DOCK3: variants seen among roughly 807,000 people sequenced by gnomAD.
The protein encoded by DOCK3 is dedicator of cytokinesis protein 3.
DOCK3 carries 60 observed loss-of-function variants against 265.6 expected under a neutral mutation model. The observed-to-expected ratio is 0.23, with a 90% confidence interval of 0.18 to 0.28. The LOEUF (loss-of-function observed/expected upper bound fraction) is 0.28, where lower values mean the gene tolerates loss of function less well. Ranked by LOEUF, DOCK3 falls within the 10% of genes least tolerant of loss-of-function variation. DOCK3 has a pLI of 1.00. For missense variants in DOCK3, 1,981 were observed against 2,594.3 expected, an observed-to-expected ratio of 0.76 and a Z score of 5.14; for synonymous variants, 881 against 938.0, an observed-to-expected ratio of 0.94 and a Z score of 1.11.
intron 4 of DOCK3, among the ~76,000 whole-genome samples, chr3:50,933,119 C>T (rs1191798162): frequency 6.6e-6 from 1 of 152,186 alleles, no homozygotes; most frequent in Non-Finnish European, 1.5e-5. Flanking sequence ...GAAAGACCCA[C>T]CCCGATGATT....
chr3:51,271,927 C>T (rs1004220046), intron 24 of DOCK3, among the ~76,000 whole-genome samples: 11 of 150,966 alleles, frequency 7.3e-5, no homozygotes, highest in Non-Finnish European at 1.5e-4. Context: ...CCATACCATT[C>T]GATACCTTTC....
chr3:50,868,770 C>T (rs2047268037), intron 3 of DOCK3, among the ~76,000 whole-genome samples: 1 of 151,912 alleles, frequency 6.6e-6, no homozygotes, highest in Non-Finnish European at 1.5e-5. Context: ...AGGAATTTGT[C>T]CATTTCTTCT....
chr3:51,263,539 CATA>C (rs1369346985), intron 23 of DOCK3, among the ~76,000 whole-genome samples: 1 of 152,152 alleles, frequency 6.6e-6, no homozygotes, highest in East Asian at 1.9e-4. Context: ...CAGCTAGCAT[CATA>C]ATGACAGGAT....
intron 5 of DOCK3, among the ~76,000 whole-genome samples, chr3:51,032,144 G>GTGTGTGTGTA (rs2080077587): frequency 2.0e-5 from 3 of 151,792 alleles, no homozygotes; most frequent in Admixed American, 6.6e-5. Context: ...GTGTGTGTGT[G>GTGTGTGTGTA]TATAAGTGTG....
chr3:50,731,932 G>A (rs1466889208), intron 1 of DOCK3, among the ~76,000 whole-genome samples: 6 of 152,068 alleles, frequency 3.9e-5, no homozygotes, highest in Non-Finnish European at 8.8e-5. Flanking sequence ...ACTCAGATTT[G>A]CAGGCGATCA....
At chr3:51,275,622 C>T (rs1201387309) in intron 25 of DOCK3, among the ~76,000 whole-genome samples, 1 of 152,084 alleles carries the variant, frequency 6.6e-6, no homozygotes, top group Non-Finnish European at 1.5e-5. Flanking sequence ...AGCTTGATTC[C>T]ACCCATATGG....
intron 12 of DOCK3, among the ~76,000 whole-genome samples, chr3:51,198,579 CAAA>C (rs33915233): frequency 2.3e-5 from 3 of 131,146 alleles, no homozygotes; most frequent in East Asian, 2.2e-4. Context: ...GACAGGTCAC[CAAA>C]AAAAAAAAAA....
chr3:50,765,893 CA>C (rs2040842763), intron 1 of DOCK3, among the ~76,000 whole-genome samples: 1 of 152,080 alleles, frequency 6.6e-6, no homozygotes, highest in South Asian at 2.1e-4. Flanking sequence ...TTTGTTTGAC[CA>C]AACCTCTAAC....
intron 5 of DOCK3, among the ~76,000 whole-genome samples, chr3:50,938,403 A>G (rs1292140136): frequency 2.0e-5 from 3 of 152,156 alleles, no homozygotes; most frequent in Non-Finnish European, 2.9e-5. Context: ...GAAGAACTGA[A>G]CAGTGCAATC....
intron 2 of DOCK3, among the ~76,000 whole-genome samples, chr3:50,786,021 TC>T (rs1181627344): frequency 1.3e-5 from 2 of 152,106 alleles, no homozygotes; most frequent in African/African-American, 2.4e-5. Context: ...TTCTGTATCT[TC>T]CTGGTTTAAT....
intron 1 of DOCK3, among the ~76,000 whole-genome samples, chr3:50,680,661 A>G (rs1301417911): frequency 6.6e-6 from 1 of 151,166 alleles, no homozygotes; most frequent in Non-Finnish European, 1.5e-5. Flanking sequence ...CCATGCCACC[A>G]TGCCCAGCGA....
intron 12 of DOCK3, among the ~76,000 whole-genome samples, chr3:51,201,484 T>G (rs2088769776): frequency 6.6e-6 from 1 of 152,176 alleles, no homozygotes; most frequent in South Asian, 2.1e-4. Context: ...ATCCTAAATA[T>G]ATATGCACCC....
At position 50,695,076 on chromosome 3, in the gene DOCK3, C is replaced by A. The variant is rs559809980; in HGVS notation, c.37+19776C>A. 1.9e-4 allele frequency among the ~76,000 whole-genome samples: 29 copies of A among 152,280 alleles called. No individual in the cohort carries two copies. The East Asian group carries it at 5.4e-3, about 28-fold the overall frequency. ...CGTCTTTAGATAAAAATAATGCAAT[C>A]TTTTTAGAAGCTTCTACATATCAGT... On this transcript the variant is annotated intron_variant, in intron 1 of 52. Coordinates refer to ENST00000266037, the MANE Select transcript of DOCK3 (RefSeq NM_004947.5).
At chr3:51,357,382 T>C (rs1013843323) in intron 44 of DOCK3, among the ~76,000 whole-genome samples, 1 of 152,122 alleles carries the variant, frequency 6.6e-6, no homozygotes, top group Non-Finnish European at 1.5e-5. Flanking sequence ...TAATCCTGAT[T>C]ATGGGAGGAT....
intron 12 of DOCK3, among the ~76,000 whole-genome samples, chr3:51,162,758 C>A (rs1292940136): frequency 6.6e-6 from 1 of 152,130 alleles, no homozygotes; most frequent in Non-Finnish European, 1.5e-5. Flanking sequence ...GCTTCTAAAG[C>A]AACAGCTTTC....
Position 51,146,560 on chromosome 3 carries a change from T to C in DOCK3, c.758T>C (p.Leu253Pro). Residue 253 changes from leucine to proline, a missense_variant, in exon 10 of 53, where the codon CTG becomes CCG. Around this residue, in one of 4 missense-constraint regions of DOCK3, gnomAD observed 456 missense variants for 539.0 expected, o/e 0.85. Transcript: ENST00000266037. ...REGKQISERF[L>P]VRLNKNGGPR... ...TTCCTACATTTCAGTGAGCGGTTTC[T>C]GGTAAGACTGAACAAGAATGGTGGG... The C allele has an allele frequency of 2.5e-6, 4 of 1,595,400 alleles. No individual in the cohort carries two copies. The highest frequency in any genetic ancestry group is 3.4e-6 in the Non-Finnish European group (4 of 1,170,322).
At chr3:50,964,594 T>C (rs978215315) in intron 5 of DOCK3, among the ~76,000 whole-genome samples, 2 of 151,936 alleles carry the variant, frequency 1.3e-5, no homozygotes, top group Non-Finnish European at 2.9e-5. Context: ...AGTGATAAAA[T>C]AAACCAAAAT....
intron 49 of DOCK3, among the ~76,000 whole-genome samples, chr3:51,369,223 GA>G (rs1484709447): frequency 6.6e-6 from 1 of 152,256 alleles, no homozygotes; most frequent in Middle Eastern, 3.2e-3. Flanking sequence ...GGCTTCAGAT[GA>G]TCGGTAATGA....
intron 2 of DOCK3, 133 bp downstream of exon 2, chr3:50,778,891 T>C: frequency 1.7e-6 from 1 of 584,610 alleles, no homozygotes; most frequent in East Asian, 3.0e-5. Flanking sequence ...TAGTGTTATA[T>C]AAAATTCTTC....
Sources: allele counts gnomAD v4.1 joint callset (sites outside exome capture counted in the v4.1 genomes callset), GRCh38; gene constraint gnomAD v4.1.1; regional missense constraint gnomAD v4.1.1; transcripts MANE v1.5; gene names NCBI Gene and HGNC (gene_info 2026-07-23, HGNC 2026-07-21).